SND1: variants seen among roughly 807,000 people sequenced by gnomAD.
SND1 encodes the protein staphylococcal nuclease and tudor domain containing 1, also known as staphylococcal nuclease domain-containing protein 1.
SND1 carries 38 observed loss-of-function variants against 121.7 expected under a neutral mutation model. The observed-to-expected ratio is 0.31, with a 90% CI of 0.24 to 0.41. SND1 has a LOEUF of 0.41. SND1 is among the 10% of genes least tolerant of loss of function. The probability of loss-of-function intolerance (pLI) is 1.00; values close to 1 mark genes in which losing one functional copy is unlikely to be tolerated. For missense variants in SND1, 868 were observed against 1,184.6 expected (o/e 0.73, Z 3.92); for synonymous variants, 401 against 447.4 (o/e 0.90, Z 1.31).
chr7:127,668,342 C>G (rs1168276736), intron 1 of SND1, among the ~76,000 whole-genome samples: 1 of 152,124 alleles, frequency 6.6e-6, no homozygotes, highest in Non-Finnish European at 1.5e-5. Flanking sequence ...AAGAGGACTC[C>G]CCAAACCCTA....
intron 12 of SND1, among the ~76,000 whole-genome samples, chr7:127,850,108 C>T (rs1799137803): frequency 6.6e-6 from 1 of 152,060 alleles, no homozygotes; most frequent in African/African-American, 2.4e-5. Context: ...TTTTTTTCTC[C>T]CAGCTGTTCT....
chr7:127,886,246 A>C (rs988880195), intron 12 of SND1, among the ~76,000 whole-genome samples: 1 of 152,074 alleles, frequency 6.6e-6, no homozygotes, highest in Non-Finnish European at 1.5e-5. Flanking sequence ...TATAATGAGA[A>C]GATAATCAGC....
At chr7:127,941,604 G>C (rs1358302894) in intron 15 of SND1, among the ~76,000 whole-genome samples, 1 of 152,272 alleles carries the variant, frequency 6.6e-6, no homozygotes, top group Middle Eastern at 3.4e-3. Flanking sequence ...ATTGGAACAT[G>C]GTGTCTGTCT....
At chr7:127,815,272 A>C (rs1420185240) in intron 11 of SND1, among the ~76,000 whole-genome samples, 1 of 152,154 alleles carries the variant, frequency 6.6e-6, no homozygotes, top group Non-Finnish European at 1.5e-5. Flanking sequence ...AGTTAAGGTA[A>C]AATTAAGTGA....
intron 1 of SND1, among the ~76,000 whole-genome samples, chr7:127,672,760 T>G (rs945331341): frequency 8.5e-5 from 13 of 152,156 alleles, no homozygotes; most frequent in African/African-American, 2.7e-4. Flanking sequence ...AATTCCTCAG[T>G]CTTTCCTTGA....
intron 11 of SND1, among the ~76,000 whole-genome samples, chr7:127,814,823 G>A (rs1216166749): frequency 6.6e-6 from 1 of 152,260 alleles, no homozygotes; most frequent in East Asian, 1.9e-4. Context: ...TGAGAAGGTA[G>A]GATGCACAAG....
At chr7:127,652,567 TCCTC>T in intron 1 of SND1, 116 bp downstream of exon 1, 1 of 848,462 alleles carries the variant, frequency 1.2e-6, no homozygotes, top group Non-Finnish European at 1.8e-6. Context: ...TCTGCCCCCT[TCCTC>T]ACTTTTCGTC....
At chr7:127,994,029 T>G (rs557076898) in intron 16 of SND1, among the ~76,000 whole-genome samples, 2 of 152,324 alleles carry the variant, frequency 1.3e-5, no homozygotes, top group African/African-American at 4.8e-5. Context: ...AATGACACCA[T>G]GTTTGTAAGT....
chr7:127,967,189 G>GCAGA (rs1385968603), intron 15 of SND1, among the ~76,000 whole-genome samples: 1 of 152,138 alleles, frequency 6.6e-6, no homozygotes, highest in Non-Finnish European at 1.5e-5. Context: ...GCTGGAGAAG[G>GCAGA]CAGAAGGTCG....
chr7:128,004,588 G>T (rs1208969830), intron 16 of SND1, among the ~76,000 whole-genome samples: 1 of 152,164 alleles, frequency 6.6e-6, no homozygotes, highest in Non-Finnish European at 1.5e-5. Flanking sequence ...TACTGACTTT[G>T]GCTTCTGATA....
chr7:128,089,799 C>G (rs886791687), intron 22 of SND1, 107 bp downstream of exon 22: 1 of 1,007,180 alleles, frequency 9.9e-7, no homozygotes, highest in Non-Finnish European at 1.5e-6. Flanking sequence ...TCCTGCTGTT[C>G]CTGCTGAGGA....
At chr7:127,725,425 C>G (rs1796565684) in intron 10 of SND1, among the ~76,000 whole-genome samples, 1 of 152,180 alleles carries the variant, frequency 6.6e-6, no homozygotes, top group African/African-American at 2.4e-5. Flanking sequence ...CTCCCTTTGT[C>G]CGCTTTGCCA....
intron 9 of SND1, among the ~76,000 whole-genome samples, chr7:127,718,192 G>A (rs1287620600): frequency 1.3e-5 from 2 of 152,040 alleles, no homozygotes; most frequent in Non-Finnish European, 2.9e-5. Flanking sequence ...CATGGGGTTG[G>A]CTTGATTAGA....
chr7:128,045,261 G>A (rs1226096777), intron 16 of SND1, among the ~76,000 whole-genome samples: 1 of 152,144 alleles, frequency 6.6e-6, no homozygotes, highest in Non-Finnish European at 1.5e-5. Context: ...CCCTGGCTGT[G>A]CCTCCTCCCC....
At position 128,066,949 on chromosome 7, in the gene SND1, A is replaced by G. The variant is rs560713506; in HGVS notation, c.1780-7553A>G. 1.3e-4 allele frequency among the ~76,000 whole-genome samples: 20 copies of G among 152,272 alleles called. No homozygotes were observed. The East Asian group carries it at 3.5e-3, about 26-fold the overall frequency. On this transcript the variant is annotated intron_variant, in intron 16 of 23. Coordinates refer to ENST00000354725, the MANE Select transcript of SND1 (RefSeq NM_014390.4). ...AGAGGCAGGAGTACCTTGGGCTCCGAGTCATTATTCAGTTCCCGTCTCTCC... is the reference window on the plus strand; with the variant it reads ...AGAGGCAGGAGTACCTTGGGCTCCGGGTCATTATTCAGTTCCCGTCTCTCC...
At chr7:128,077,039 T>C (rs904280192) in intron 17 of SND1, among the ~76,000 whole-genome samples, 1 of 152,154 alleles carries the variant, frequency 6.6e-6, no homozygotes, top group African/African-American at 2.4e-5. Context: ...GGCAGATGCC[T>C]GTCCCCCCTC....
At chr7:127,845,426 T>C (rs1043962985) in intron 12 of SND1, among the ~76,000 whole-genome samples, 1 of 152,246 alleles carries the variant, frequency 6.6e-6, no homozygotes, top group Admixed American at 6.5e-5. Flanking sequence ...CAGGAGGCGC[T>C]CAGTATAGGC....
chr7:127,817,666 ACTTCT>A (rs1166361827), intron 11 of SND1, among the ~76,000 whole-genome samples: 1 of 150,294 alleles, frequency 6.7e-6, no homozygotes, highest in African/African-American at 2.5e-5. Flanking sequence ...GTCACAAAGA[ACTTCT>A]CACCATTCCA....
At chr7:127,821,492 C>G (rs1033712601) in intron 11 of SND1, among the ~76,000 whole-genome samples, 1 of 152,108 alleles carries the variant, frequency 6.6e-6, no homozygotes, top group African/African-American at 2.4e-5. Flanking sequence ...TGATGGGTAC[C>G]AGTACAGGAT....
Sources: gnomAD v4.1 joint callset for allele counts (sites outside exome capture counted in the v4.1 genomes callset) on GRCh38, gnomAD v4.1.1 for gene constraint, MANE v1.5 for transcripts, NCBI Gene and HGNC (gene_info 2026-07-23, HGNC 2026-07-21) for gene names.